TWIST2: variants seen among roughly 807,000 people sequenced by gnomAD.
TWIST2 encodes the protein twist-related protein 2.
TWIST2 carries 1 observed loss-of-function variant against 11.6 expected under a neutral mutation model. The ratio of observed to expected loss-of-function variants is 0.09; its 90% CI spans 0.03 to 0.41. The LOEUF (loss-of-function observed/expected upper bound fraction) is 0.41. Among genes scored for constraint, TWIST2 ranks in the 10% least tolerant of loss-of-function variants. The pLI is 0.98. For synonymous variants in TWIST2, 87 were observed against 96.6 expected, an observed-to-expected ratio of 0.90 and a Z score of 0.58; for missense variants, 168 against 226.4, an observed-to-expected ratio of 0.74 and a Z score of 1.66.
In TWIST2 at chr2:238,905,942, T is replaced by TGC. The variant is rs1307469908; in HGVS notation, c.*36-3892_*36-3891dup. 7.1e-4 allele frequency among the ~76,000 whole-genome samples: 78 copies of TGC among 109,772 alleles called. 1 individual carries two copies. The highest frequency in any genetic ancestry group is 2.2e-3 in the African/African-American group (57 of 26,148). 72.0% of individuals were successfully genotyped at this position (109,772 alleles called of 152,430 possible). ...GCAGGTGTGCGTGTGCGCGTGTGTG[T>TGC]GCGCGCGCGTGTGTACGTGTGCGTG... On this transcript the variant is annotated intron_variant, in intron 1 of 1. Transcript: ENST00000612363.
intron 1 of TWIST2, among the ~76,000 whole-genome samples, chr2:238,858,059 G>C (rs1307647954): frequency 6.6e-6 from 1 of 152,188 alleles, no homozygotes; most frequent in Non-Finnish European, 1.5e-5. Flanking sequence ...CAGGCTCTTG[G>C]ACAATCAGCT....
intron 1 of TWIST2, among the ~76,000 whole-genome samples, chr2:238,905,362 C>A (rs1693327998): frequency 6.6e-6 from 1 of 152,176 alleles, no homozygotes; most frequent in Non-Finnish European, 1.5e-5. Context: ...TTCCAGGTGG[C>A]CTGTGTATGC....
intron 1 of TWIST2, among the ~76,000 whole-genome samples, chr2:238,892,378 C>T (rs745538829): frequency 2.0e-5 from 3 of 152,262 alleles, no homozygotes; most frequent in Non-Finnish European, 4.4e-5. Context: ...GATCACCAGC[C>T]AGGACCTTCC....
intron 1 of TWIST2, among the ~76,000 whole-genome samples, chr2:238,854,166 G>C (rs924178152): frequency 2.6e-5 from 4 of 152,142 alleles, no homozygotes; most frequent in African/African-American, 9.7e-5. Context: ...AGACAGGGTT[G>C]AACTCAGAAG....
In TWIST2 at chr2:238,848,497, C is replaced by T. The variant is rs1692175578; in HGVS notation, c.282C>T (p.Pro94=). 1 of 1,586,136 alleles carries T rather than the reference C, an allele frequency of 6.3e-7. No individual in the cohort carries two copies. Among genetic ancestry groups the T allele is most frequent in the African/African-American group, 1.3e-5 (1 of 74,360 alleles). ...TCGCGGCGCTGCGCAAGATCATCCC[C>T]ACGCTGCCCTCTGACAAGCTGAGCA... ...EAFAALRKII[P]TLPSDKLSKI... Residue 94 remains proline (P), a synonymous_variant, in exon 1 of 2, where the codon CCC becomes CCT. Coordinates refer to ENST00000612363, the MANE Select transcript of TWIST2 (RefSeq NM_001271893.4).
rs149966405 is a variant in TWIST2 at position 238,886,624 on chromosome 2, G to A, written c.*36-23218G>A. On this transcript the variant is annotated intron_variant, in intron 1 of 1. Transcript: ENST00000612363. ...GGTTTGAGGCTCCAGTGCTTATCTC[G>A]GTGAGTGATTCTGGGAGCCACCTAC... Among the ~76,000 whole-genome samples, 600 of 152,038 alleles carry A rather than the reference G, an allele frequency of 3.9e-3. 5 individuals carry two copies. Among genetic ancestry groups the A allele is most frequent in the African/African-American group, 0.013 (559 of 41,468 alleles).
At chr2:238,898,629 G>A (rs1240423368) in intron 1 of TWIST2, among the ~76,000 whole-genome samples, 1 of 152,254 alleles carries the variant, frequency 6.6e-6, no homozygotes, top group Non-Finnish European at 1.5e-5. Flanking sequence ...GAGGGGGCTG[G>A]CTTTGCTTTC....
At chr2:238,870,697 T>C (rs1274125352) in intron 1 of TWIST2, among the ~76,000 whole-genome samples, 11 of 9,082 alleles carry the variant, frequency 1.2e-3, no homozygotes, top group Non-Finnish European at 1.7e-3. Flanking sequence ...ACACACCACA[T>C]CCCACACACT....
At chr2:238,889,180 G>A (rs536733990) in intron 1 of TWIST2, among the ~76,000 whole-genome samples, 2 of 152,274 alleles carry the variant, frequency 1.3e-5, no homozygotes, top group South Asian at 2.1e-4. Context: ...CTGTCATTCA[G>A]TTCCCCGAAT....
At chr2:238,886,525 A>G (rs964660923) in intron 1 of TWIST2, among the ~76,000 whole-genome samples, 5 of 151,498 alleles carry the variant, frequency 3.3e-5, no homozygotes, top group Admixed American at 6.6e-5. Context: ...CCCTCCCCCA[A>G]CGCAAGCTCA....
chr2:238,851,464 T>C (rs1193553752), intron 1 of TWIST2, among the ~76,000 whole-genome samples: 3 of 152,182 alleles, frequency 2.0e-5, no homozygotes, highest in Non-Finnish European at 2.9e-5. Context: ...AAGGTGACCA[T>C]TACTTATCAG....
chr2:238,890,197 C>T (rs534035325), intron 1 of TWIST2, among the ~76,000 whole-genome samples: 1 of 152,200 alleles, frequency 6.6e-6, no homozygotes, highest in East Asian at 1.9e-4. Flanking sequence ...CAGGGGATGC[C>T]ACACAGCCAG....
chr2:238,857,834 G>A (rs753552872), intron 1 of TWIST2, among the ~76,000 whole-genome samples: 1 of 152,132 alleles, frequency 6.6e-6, no homozygotes, highest in Non-Finnish European at 1.5e-5. Flanking sequence ...CTACTCAAGA[G>A]GTTGAGGCAG....
chr2:238,897,879 C>T (rs974743510), intron 1 of TWIST2, among the ~76,000 whole-genome samples: 1 of 152,188 alleles, frequency 6.6e-6, no homozygotes, highest in African/African-American at 2.4e-5. Context: ...CAAGGAAACT[C>T]GTTCAGCAGA....
intron 1 of TWIST2, among the ~76,000 whole-genome samples, chr2:238,890,924 C>T (rs1190814409): frequency 6.6e-6 from 1 of 152,146 alleles, no homozygotes; most frequent in Non-Finnish European, 1.5e-5. Flanking sequence ...CCTTAAAGTT[C>T]TCAGATGCCA....
chr2:238,863,387 C>T lies in TWIST2; in HGVS notation c.*35+14654C>T, dbSNP rs1052387698. On this transcript the variant is annotated intron_variant, in intron 1 of 1. Coordinates refer to ENST00000612363, the MANE Select transcript of TWIST2 (RefSeq NM_001271893.4). The surrounding 1 kb of genome is among the most constrained non-coding windows in gnomAD (Gnocchi z 4.7). ...TCCATCATTTTCAGAAGAGGCCTTT[C>T]GTGTTAGGATAATTCAGAAGGATGC... Among the ~76,000 whole-genome samples, 26 of 152,170 alleles carry T rather than the reference C, an allele frequency of 1.7e-4. No individual in the cohort carries two copies. The highest frequency in any genetic ancestry group is 6.0e-4 in the African/African-American group (25 of 41,440).
At chr2:238,859,835 A>G (rs1692400148) in intron 1 of TWIST2, among the ~76,000 whole-genome samples, 1 of 152,222 alleles carries the variant, frequency 6.6e-6, no homozygotes, top group South Asian at 2.1e-4. Flanking sequence ...TCTGAGGCAC[A>G]CTGTTTCTTT....
Position 238,863,451 on chromosome 2 carries a change from C to T in TWIST2, c.*35+14718C>T, listed in dbSNP as rs1022828032. ...CAGCGCGGCTCCCTGATGGAGCTGG[C>T]GACGTCCTTTGGCAGTGAGGGCTGT... is the stretch of plus-strand genomic sequence containing the variant. On this transcript the variant is annotated intron_variant, in intron 1 of 1. Coordinates refer to ENST00000612363, the MANE Select transcript of TWIST2 (RefSeq NM_001271893.4). The surrounding 1 kb of genome is among the most constrained non-coding windows in gnomAD (Gnocchi z 4.7). Among the ~76,000 whole-genome samples, 2 of 152,186 alleles carry T rather than the reference C, an allele frequency of 1.3e-5. No individual in the cohort carries two copies. The highest frequency in any genetic ancestry group is 2.9e-5 in the Non-Finnish European group (2 of 68,024).
intron 1 of TWIST2, among the ~76,000 whole-genome samples, chr2:238,905,278 C>G (rs1174259723): frequency 1.3e-5 from 2 of 152,164 alleles, no homozygotes; most frequent in African/African-American, 4.8e-5. Flanking sequence ...CTTTGCAGCT[C>G]CACCCATCCC....
Sources: gnomAD v4.1 joint callset for allele counts (sites outside exome capture counted in the v4.1 genomes callset) on GRCh38, gnomAD v4.1.1 for gene constraint, Gnocchi (gnomAD v3.1) non-coding constraint, MANE v1.5 for transcripts, NCBI Gene and HGNC (gene_info 2026-07-23, HGNC 2026-07-21) for gene names.